Variants in CTIF observed in about 807,000 individuals in gnomAD.
CTIF encodes the protein cap binding complex dependent translation initiation factor.
Under a neutral mutation model 66.0 loss-of-function variants are expected in CTIF, and 21 were observed. That is an observed-to-expected ratio of 0.32 (90% confidence interval 0.23 to 0.46). The LOEUF (loss-of-function observed/expected upper bound fraction) is 0.46, where lower values mean the gene tolerates loss of function less well. CTIF is among the 20% of genes least tolerant of loss of function. The pLI, the probability that CTIF is intolerant of heterozygous loss-of-function variation, is 1.00. For missense variants in CTIF, 739 were observed against 812.7 expected, an observed-to-expected ratio of 0.91 and a Z score of 1.10; for synonymous variants, 345 against 326.4, an observed-to-expected ratio of 1.06 and a Z score of -0.62.
At chr18:48,551,134 C>T (rs1188277163) in intron 1 of CTIF, among the ~76,000 whole-genome samples, 1 of 149,234 alleles carries the variant, frequency 6.7e-6, no homozygotes, top group African/African-American at 2.5e-5. Context: ...TCTAGTATGA[C>T]TGGTGTCCTT....
At chr18:48,732,437 A>G (rs1419679729) in intron 7 of CTIF, among the ~76,000 whole-genome samples, 1 of 151,852 alleles carries the variant, frequency 6.6e-6, no homozygotes, top group Non-Finnish European at 1.5e-5. Context: ...TACCTTGATG[A>G]CGGGGCTGAC....
At chr18:48,557,014 G>A (rs950569060) in intron 1 of CTIF, among the ~76,000 whole-genome samples, 2 of 152,180 alleles carry the variant, frequency 1.3e-5, no homozygotes, top group Non-Finnish European at 2.9e-5. Flanking sequence ...GCTTGGCATG[G>A]AGCTGAGTCT....
intron 5 of CTIF, 113 bp downstream of exon 5, chr18:48,664,664 C>A: frequency 1.2e-6 from 1 of 837,548 alleles, no homozygotes; most frequent in Non-Finnish European, 1.9e-6. Flanking sequence ...GGCTGATGCC[C>A]CGGGATGCTC....
chr18:48,563,719 G>A (rs150027927), intron 1 of CTIF, among the ~76,000 whole-genome samples: 1 of 152,358 alleles, frequency 6.6e-6, no homozygotes, highest in African/African-American at 2.4e-5. Flanking sequence ...TGATCTGCCT[G>A]CCTCAGCCTT....
chr18:48,851,646 C>T (rs2069202504), intron 10 of CTIF, among the ~76,000 whole-genome samples: 1 of 152,112 alleles, frequency 6.6e-6, no homozygotes, highest in Non-Finnish European at 1.5e-5. Flanking sequence ...CACCAGGGCC[C>T]CAGGCGCACT....
At chr18:48,590,040 T>G (rs1004295397) in intron 1 of CTIF, among the ~76,000 whole-genome samples, 2 of 151,878 alleles carry the variant, frequency 1.3e-5, no homozygotes, top group African/African-American at 2.4e-5. Flanking sequence ...CTCTGGAAGT[T>G]CATTGTTGCT....
At chr18:48,852,901 A>C (rs2146640566) in intron 10 of CTIF, among the ~76,000 whole-genome samples, 1 of 152,240 alleles carries the variant, frequency 6.6e-6, no homozygotes, top group Middle Eastern at 3.4e-3. Flanking sequence ...TTCTACAAGC[A>C]CTCTATGTTT....
intron 1 of CTIF, among the ~76,000 whole-genome samples, chr18:48,588,662 G>A (rs964869560): frequency 6.6e-6 from 1 of 151,930 alleles, no homozygotes; most frequent in Admixed American, 6.5e-5. Flanking sequence ...TCTCCTGGCT[G>A]CATCTTCTGA....
At position 48,619,610 on chromosome 18, in the gene CTIF, C is replaced by T; in HGVS notation, c.45C>T (p.Ser15=). 6.2e-7 allele frequency: 1 copy of T among 1,601,046 alleles called. No individual in the cohort carries two copies. Among genetic ancestry groups the T allele is most frequent in the South Asian group, 1.1e-5 (1 of 88,370 alleles). Residue 15 remains serine, a synonymous_variant, in exon 2 of 12, where the codon AGC becomes AGT. Transcript: ENST00000256413. ...SAASASSEAG[S]SRSQEIEELE... Reference sequence around the variant, plus strand: ...CATCAGCCTCCTCGGAGGCAGGGAGCAGCCGCTCCCAGGAGATCGAGGAGC... The same window carrying T: ...CATCAGCCTCCTCGGAGGCAGGGAGTAGCCGCTCCCAGGAGATCGAGGAGC...
At chr18:48,563,246 A>G (rs2089203485) in intron 1 of CTIF, among the ~76,000 whole-genome samples, 2 of 121,958 alleles carry the variant, frequency 1.6e-5, no homozygotes, top group African/African-American at 5.5e-5. Flanking sequence ...GGGGATGTAA[A>G]CTGTACTAGG....
intron 3 of CTIF, among the ~76,000 whole-genome samples, chr18:48,654,962 C>T (rs1447486840): frequency 6.6e-6 from 1 of 151,508 alleles, no homozygotes; most frequent in Non-Finnish European, 1.5e-5. Context: ...CATCACACCC[C>T]AGGGCCTGTG....
chr18:48,614,041 C>T (rs889775699), intron 1 of CTIF, among the ~76,000 whole-genome samples: 1 of 152,210 alleles, frequency 6.6e-6, no homozygotes. Context: ...TTGTGTTCTT[C>T]TACCTTCCCT....
At chr18:48,817,070 T>G in intron 9 of CTIF, 151 bp from the exon 10 acceptor site, 1 of 714,236 alleles carries the variant, frequency 1.4e-6, no homozygotes, top group Admixed American at 2.9e-5. Flanking sequence ...CCACAGAGAG[T>G]GCAATCACGC....
At chr18:48,662,165 C>G (rs182817708) in intron 3 of CTIF, 1 of 152,514 alleles carries the variant, frequency 6.6e-6, no homozygotes, top group Admixed American at 6.5e-5. Context: ...ACAGATGGGG[C>G]ACATTCGGAG....
intron 9 of CTIF, among the ~76,000 whole-genome samples, chr18:48,795,245 G>C (rs1225026939): frequency 6.6e-6 from 1 of 152,180 alleles, no homozygotes; most frequent in Non-Finnish European, 1.5e-5. Flanking sequence ...GTCATTTCAA[G>C]AGCCCCCATA....
chr18:48,694,427 A>C (rs2091976707), intron 6 of CTIF, among the ~76,000 whole-genome samples: 1 of 152,196 alleles, frequency 6.6e-6, no homozygotes, highest in Non-Finnish European at 1.5e-5. Context: ...CTAAAGACTG[A>C]GCTTCAATAT....
rs193118595 is a variant in CTIF, at chr18:48,783,909, C to G, written c.1371+22220C>G. ...CCTCCAGCCTTACGTAGCGTCCACA[C>G]GTATGCTGTTACCCACACGGGCCAC... On this transcript the variant is annotated intron_variant, in intron 9 of 11. Coordinates refer to ENST00000256413, the MANE Select transcript of CTIF (RefSeq NM_014772.3). Among the ~76,000 whole-genome samples the G allele has an allele frequency of 7.9e-5, 12 of 152,284 alleles. No individual in the cohort carries two copies. In the East Asian group the frequency reaches 2.3e-3, roughly 29 times the overall value.
intron 1 of CTIF, among the ~76,000 whole-genome samples, chr18:48,572,059 C>G (rs551183802): frequency 1.3e-5 from 2 of 151,926 alleles, no homozygotes; most frequent in African/African-American, 4.8e-5. Flanking sequence ...TTCTCCTTCT[C>G]CTTCCCCCTC....
At chr18:48,569,127 A>G (rs2089352974) in intron 1 of CTIF, among the ~76,000 whole-genome samples, 1 of 152,152 alleles carries the variant, frequency 6.6e-6, no homozygotes, top group African/African-American at 2.4e-5. Flanking sequence ...ACATGACCTC[A>G]TTTTACCTTA....
Sources: gnomAD v4.1 joint callset for allele counts (sites outside exome capture counted in the v4.1 genomes callset) on GRCh38, gnomAD v4.1.1 for gene constraint, MANE v1.5 for transcripts, NCBI Gene and HGNC (gene_info 2026-07-23, HGNC 2026-07-21) for gene names.